Variants in CPAMD8 observed in about 807,000 individuals in gnomAD.
CPAMD8 encodes the protein C3 and PZP-like alpha-2-macroglobulin domain-containing protein 8.
A neutral mutation model predicts 224.7 loss-of-function variants in CPAMD8; 146 were observed. The ratio of observed to expected loss-of-function variants is 0.65; its 90% CI spans 0.57 to 0.75. The LOEUF is 0.75. Among genes scored for constraint, CPAMD8 ranks in the 30% least tolerant of loss-of-function variants. CPAMD8 has a pLI of 0.00. For synonymous variants in CPAMD8, 966 were observed against 1,044.6 expected (o/e 0.92, Z 1.45); for missense variants, 2,301 against 2,537.5 (o/e 0.91, Z 2.00).
chr19:16,954,857 G>T (rs919858397), intron 19 of CPAMD8, among the ~76,000 whole-genome samples: 1 of 150,692 alleles, frequency 6.6e-6, no homozygotes, highest in Non-Finnish European at 1.5e-5. Flanking sequence ...GGCTGGGCAC[G>T]GTGGCTCATG....
chr19:16,894,586 A>G, intron 41 of CPAMD8: 1 of 422,556 alleles, frequency 2.4e-6, no homozygotes, highest in South Asian at 1.7e-5. Flanking sequence ...TGGGGGACAC[A>G]TGGCCCAGGC....
chr19:17,025,144 C>T lies in CPAMD8; in HGVS notation c.92+1407G>A, dbSNP rs1469248193. 2.0e-5 allele frequency among the ~76,000 whole-genome samples: 3 copies of T among 152,204 alleles called. No individual in the cohort carries two copies. In the East Asian group the frequency reaches 5.8e-4, roughly 29 times the overall value. ...CTCTCTAACGGGCCAGGCACGGTGACTCACGCCTCTAATCCCAGCACTTTG... is the reference window on the plus strand; with the variant it reads ...CTCTCTAACGGGCCAGGCACGGTGATTCACGCCTCTAATCCCAGCACTTTG... On this transcript the variant is annotated intron_variant, in intron 1 of 41. Coordinates refer to ENST00000443236, the MANE Select transcript of CPAMD8 (RefSeq NM_015692.5).
At position 16,957,884 on chromosome 19, in the gene CPAMD8, C is replaced by T. The variant is rs531351431; in HGVS notation, c.2245G>A (p.Glu749Lys). ...TTGAGACAATGCCAAATCCATGTTTCGGGGAAGAAAGTCCTTTTTCTCTTC... is the reference window on the plus strand; with the variant it reads ...TTGAGACAATGCCAAATCCATGTTTTGGGGAAGAAAGTCCTTTTTCTCTTC... ...TEKRKRTFFP[E>K]TWIWHCLNIS... The change falls in exon 19 of 42, where the codon GAA becomes AAA. Residue 749 changes from glutamate to lysine, a missense_variant. By Grantham distance (56) the Glu-to-Lys change is moderately conservative (BLOSUM62 1). This residue lies in a region of CPAMD8 where 1,709 missense variants were observed against 1,753.2 expected (regional missense o/e 0.97). Coordinates refer to ENST00000443236, the MANE Select transcript of CPAMD8 (RefSeq NM_015692.5). 13 of 1,613,936 alleles carry T rather than the reference C, an allele frequency of 8.1e-6. No homozygotes were observed. Among genetic ancestry groups the T allele is most frequent in the East Asian group, 6.7e-5 (3 of 44,870 alleles).
intron 6 of CPAMD8, 55 bp downstream of exon 6, chr19:17,009,248 A>G: frequency 1.9e-6 from 3 of 1,613,828 alleles, no homozygotes; most frequent in Non-Finnish European, 2.5e-6. Flanking sequence ...GATCTTGCAG[A>G]AGGTGGGCTA....
intron 1 of CPAMD8, among the ~76,000 whole-genome samples, chr19:17,023,263 C>G (rs1216540890): frequency 6.6e-6 from 1 of 152,066 alleles, no homozygotes; most frequent in Non-Finnish European, 1.5e-5. Flanking sequence ...GAACATGCAC[C>G]AGATCACACA....
intron 23 of CPAMD8, among the ~76,000 whole-genome samples, chr19:16,936,209 T>C (rs1381753876): frequency 2.0e-5 from 3 of 152,182 alleles, no homozygotes; most frequent in Non-Finnish European, 4.4e-5. Context: ...ATTATAGGCA[T>C]GAGCCACTGC....
At chr19:16,939,149 TTTTA>T (rs35025434) in intron 22 of CPAMD8, among the ~76,000 whole-genome samples, 9,110 of 146,786 alleles carry the variant, frequency 0.062, 566 homozygotes, top group African/African-American at 0.14. Context: ...GGATGGTCAA[TTTTA>T]TTTATTTATT....
At position 17,014,024 on chromosome 19, in the gene CPAMD8, C is replaced by A. The variant is rs59781489; in HGVS notation, c.268-2267G>T. Reference sequence around the variant, plus strand: ...CTTCCCTCCCTCCCTCCCTCCATCCCTCCCTTCTTTCTTTCTTTCTCTTTC... The same window carrying A: ...CTTCCCTCCCTCCCTCCCTCCATCCATCCCTTCTTTCTTTCTTTCTCTTTC... On this transcript the variant is annotated intron_variant, in intron 3 of 41. Transcript: ENST00000443236. Among the ~76,000 whole-genome samples the A allele has an allele frequency of 4.3e-5, 6 of 138,254 alleles. No homozygotes were observed. In the South Asian group the frequency reaches 1.6e-3, roughly 36 times the overall value. 90.7% of individuals were successfully genotyped at this position (138,254 alleles called of 152,430 possible).
chr19:16,937,063 G>GCCTTCCTTCCTTCCTTCCTTCCTT lies in CPAMD8; in HGVS notation c.2845+1308_2845+1331dup, dbSNP rs34510069. ...TTTCTCCCTTCCTTCCTTCCCTCCT[G>GCCTTCCTTCCTTCCTTCCTTCCTT]CCTTCCTTCCTTCCTTCCTTCCTTC... is the stretch of plus-strand genomic sequence containing the variant. On this transcript the variant is annotated intron_variant, in intron 23 of 41. Coordinates refer to ENST00000443236, the MANE Select transcript of CPAMD8 (RefSeq NM_015692.5). 1.3e-3 allele frequency among the ~76,000 whole-genome samples: 178 copies of GCCTTCCTTCCTTCCTTCCTTCCTT among 132,160 alleles called. 2 individuals are homozygous for GCCTTCCTTCCTTCCTTCCTTCCTT. Among genetic ancestry groups the GCCTTCCTTCCTTCCTTCCTTCCTT allele is most frequent in the African/African-American group, 5.0e-3 (175 of 35,064 alleles). 86.7% of individuals were successfully genotyped at this position (132,160 alleles called of 152,430 possible).
Position 16,906,800 on chromosome 19 carries a change from C to T in CPAMD8, c.4027+152G>A, listed in dbSNP as rs1333625295. On this transcript the variant is annotated intron_variant, in intron 30 of 41. Transcript: ENST00000443236. ...TCTCTGCTCACTGCAATCTCCGCCT[C>T]CCGGGTTCAAGCGATTCTCCTGCCT... 9 of 762,780 alleles carry T rather than the reference C, an allele frequency of 1.2e-5. No individual in the cohort carries two copies. In the East Asian group the frequency reaches 2.3e-4, roughly 19 times the overall value. The allele number at this position is 762,780 out of a possible 1,614,324, so 47.3% of individuals were successfully genotyped here. A position where few individuals can be genotyped will look rare whatever the true frequency, so the allele number is the denominator to read the frequency against.
chr19:16,927,569 C>T (rs2053408195), intron 25 of CPAMD8, among the ~76,000 whole-genome samples: 1 of 152,156 alleles, frequency 6.6e-6, no homozygotes. Context: ...AGCAACTGCT[C>T]CGGACGCCTG....
At chr19:16,976,205 G>C (rs1214715615) in intron 15 of CPAMD8, 54 bp from the exon 16 acceptor site, 10 of 1,492,230 alleles carry the variant, frequency 6.7e-6, no homozygotes, top group Non-Finnish European at 8.3e-6. Flanking sequence ...GCTGTGAGTG[G>C]TGGCTCACGC....
chr19:16,930,266 G>T (rs1181250670), intron 23 of CPAMD8, among the ~76,000 whole-genome samples: 2 of 142,224 alleles, frequency 1.4e-5, no homozygotes, highest in African/African-American at 5.3e-5. Flanking sequence ...AAAAAAAAAA[G>T]AAAAAAAAAA....
chr19:16,927,840 G>C (rs1332538963), intron 25 of CPAMD8, among the ~76,000 whole-genome samples, 169 bp downstream of exon 25: 2 of 152,206 alleles, frequency 1.3e-5, no homozygotes, highest in Non-Finnish European at 2.9e-5. Flanking sequence ...CCCAGCACAT[G>C]GATGGGCATA....
At chr19:16,981,335 T>G (rs148060306) in intron 13 of CPAMD8, among the ~76,000 whole-genome samples, 73 of 152,182 alleles carry the variant, frequency 4.8e-4, no homozygotes, top group African/African-American at 1.7e-3. Context: ...CACTCCAGCC[T>G]GGGTAACAGA....
rs138095774 is a variant in CPAMD8, at chr19:16,894,137, TG to T, written c.5427-799del. ...ATGCCCAGCTCCAAGGCTGGGGGGT[TG>T]GGGTGCTTGGAGCTCCAGCTGTAGC... On this transcript the variant is annotated intron_variant, in intron 41 of 41. Coordinates refer to ENST00000443236, the MANE Select transcript of CPAMD8 (RefSeq NM_015692.5). 2.6e-3 allele frequency: 596 copies of T among 228,974 alleles called. 4 individuals are homozygous for T. Among genetic ancestry groups the T allele is most frequent in the African/African-American group, 0.012 (520 of 45,034 alleles). 14.2% of individuals were successfully genotyped at this position (228,974 alleles called of 1,614,324 possible). A position where few individuals can be genotyped will look rare whatever the true frequency, so the allele number is the denominator to read the frequency against.
intron 32 of CPAMD8, 50 bp downstream of exon 32, chr19:16,904,176 A>ACGCCCCCCCCCCCCCCCCCCCCCCCCCC: frequency 1.1e-6 from 1 of 937,340 alleles, no homozygotes; most frequent in Non-Finnish European, 1.7e-6. Flanking sequence ...GACTGCAGGG[A>ACGCCCCCCCCCCCCCCCCCCCCCCCCCC]CCCCACCCAC....
In CPAMD8 at chr19:16,904,468, G is replaced by A; in HGVS notation, c.4112C>T (p.Ser1371Leu). ...CCGGGAGCTGGGGTGGCCAGTACCT[G>A]ACTGAGAGACCCTGTCACTGAAGCT... The part of the protein sequence containing the change: ...FLSFSDRVSQ[S>L]VVSAEVEMTA... Residue 1371 changes from serine to leucine, a missense_variant and splice_region_variant, in exon 31 of 42, where the codon TCA becomes TTA. Coordinates refer to ENST00000443236, the MANE Select transcript of CPAMD8 (RefSeq NM_015692.5). 2 of 1,613,974 alleles carry A rather than the reference G, an allele frequency of 1.2e-6. No homozygotes were observed. Among genetic ancestry groups the A allele is most frequent in the Non-Finnish European group, 1.7e-6 (2 of 1,179,816 alleles).
At position 16,952,403 on chromosome 19, in the gene CPAMD8, C is replaced by T. The variant is rs540555330; in HGVS notation, c.2277-203G>A. Among the ~76,000 whole-genome samples the T allele has an allele frequency of 2.1e-4, 32 of 152,276 alleles. 1 individual carries two copies. The South Asian group carries it at 3.3e-3, about 16-fold the overall frequency. The stretch of plus-strand genomic sequence containing the variant: ...ACTCTAATAGAAAACATGGGCTGGG[C>T]GCAGTGGCTCATGCCTGTAATACCA... On this transcript the variant is annotated intron_variant, in intron 19 of 41. Transcript: ENST00000443236.
Sources: gnomAD v4.1 joint callset for allele counts (sites outside exome capture counted in the v4.1 genomes callset) on GRCh38, gnomAD v4.1.1 for gene constraint, gnomAD v4.1.1 regional missense constraint, MANE v1.5 for transcripts, NCBI Gene and HGNC (gene_info 2026-07-23, HGNC 2026-07-21) for gene names.